Variants in MMS22L observed in about 807,000 individuals in gnomAD.
MMS22L encodes protein MMS22-like.
MMS22L carries 74 observed loss-of-function variants against 159.1 expected under a neutral mutation model. The observed-to-expected ratio is 0.47, with a 90% CI of 0.39 to 0.56. The LOEUF (loss-of-function observed/expected upper bound fraction) is 0.56. Among genes scored for constraint, MMS22L ranks in the 20% least tolerant of loss-of-function variants. The pLI is 0.00. For synonymous variants in MMS22L, 517 were observed against 506.9 expected (o/e 1.02, Z -0.27); for missense variants, 1,351 against 1,422.1 (o/e 0.95, Z 0.80).
In MMS22L at chr6:97,173,154, C is replaced by T. The variant is rs1019769758; in HGVS notation, c.2748G>A (p.Leu916=). The change falls in exon 19 of 25, where the codon TTG becomes TTA. Residue 916 remains leucine (L), a synonymous_variant. Coordinates refer to ENST00000683635, the MANE Select transcript of MMS22L (RefSeq NM_001350599.2). ...SDKSAMVTKS[L]EYLGEVLKYI... is the part of the protein sequence containing the mutation. ...ATTTTAATACTTCACCAAGGTATTC[C>T]AAGGACTTTGTGACCATGGCAGATT... 6 of 1,613,500 alleles carry T rather than the reference C, an allele frequency of 3.7e-6. No homozygotes were observed. In the African/African-American group the frequency reaches 8.0e-5, roughly 22 times the overall value.
At chr6:97,270,137 T>C in intron 6 of MMS22L, 145 bp from the exon 7 acceptor site, 1 of 662,012 alleles carries the variant, frequency 1.5e-6, no homozygotes, top group Non-Finnish European at 2.7e-6. Flanking sequence ...AAAACCTCTG[T>C]CTTGTTCATT....
intron 11 of MMS22L, 121 bp from the exon 12 acceptor site, chr6:97,234,101 C>T (rs1335378564): frequency 2.8e-6 from 3 of 1,078,528 alleles, no homozygotes; most frequent in East Asian, 5.2e-5. Context: ...GTCACCCAAT[C>T]ATACCCATTC....
intron 11 of MMS22L, among the ~76,000 whole-genome samples, chr6:97,240,014 A>G (rs919312023): frequency 6.6e-6 from 1 of 152,208 alleles, no homozygotes; most frequent in Non-Finnish European, 1.5e-5. Context: ...AATACAGCAA[A>G]TGGACTCTTT....
intron 21 of MMS22L, among the ~76,000 whole-genome samples, chr6:97,164,194 G>T (rs1406690459): frequency 6.6e-6 from 1 of 151,764 alleles, no homozygotes; most frequent in Non-Finnish European, 1.5e-5. Context: ...GCAAGGAAAG[G>T]AAGCAAAGAA....
At chr6:97,270,150 A>G (rs762214445) in intron 6 of MMS22L, 158 bp from the exon 7 acceptor site, 6 of 657,210 alleles carry the variant, frequency 9.1e-6, no homozygotes, top group African/African-American at 3.7e-5. Flanking sequence ...TGTTCATTAG[A>G]GGATTCTTTC....
At chr6:97,225,601 C>T (rs1465608092) in intron 14 of MMS22L, among the ~76,000 whole-genome samples, 1 of 148,950 alleles carries the variant, frequency 6.7e-6, no homozygotes, top group Non-Finnish European at 1.5e-5. Context: ...GAGACCCAGT[C>T]TCGCTCTGTC....
At chr6:97,281,828 T>TA (rs1160210650) in intron 2 of MMS22L, among the ~76,000 whole-genome samples, 3 of 152,204 alleles carry the variant, frequency 2.0e-5, no homozygotes, top group African/African-American at 7.2e-5. Flanking sequence ...CAGCAGGTAT[T>TA]ACCAAAATAT....
At chr6:97,226,068 A>G (rs968628960) in intron 14 of MMS22L, among the ~76,000 whole-genome samples, 18 of 152,336 alleles carry the variant, frequency 1.2e-4, no homozygotes, top group African/African-American at 4.3e-4. Context: ...CTATAGGTAT[A>G]CTTCCACAAG....
chr6:97,228,866 TA>T, intron 14 of MMS22L, 27 bp downstream of exon 14: 1 of 1,560,674 alleles, frequency 6.4e-7, no homozygotes, highest in Non-Finnish European at 8.6e-7. Context: ...AAACAAATCA[TA>T]AATTAGCATA....
chr6:97,228,489 G>T (rs1475939859), intron 14 of MMS22L, among the ~76,000 whole-genome samples: 3 of 152,120 alleles, frequency 2.0e-5, no homozygotes, highest in Non-Finnish European at 4.4e-5. Flanking sequence ...TCATGGGATG[G>T]GTTGCAGTCA....
intron 14 of MMS22L, among the ~76,000 whole-genome samples, chr6:97,221,286 A>G (rs1488760205): frequency 1.3e-5 from 2 of 152,218 alleles, no homozygotes; most frequent in East Asian, 3.9e-4. Flanking sequence ...TATTTAAGGA[A>G]AACTCGTATC....
rs150620535 is a variant in MMS22L at position 97,238,174 on chromosome 6, T to C, written c.1183-4194A>G. 2.6e-5 allele frequency among the ~76,000 whole-genome samples: 4 copies of C among 152,302 alleles called. No individual in the cohort carries two copies. The East Asian group carries it at 5.8e-4, about 22-fold the overall frequency. ...TAAAAGTATAAAACGGAAACAGAAA[T>C]ATCACTACACACGACTGTCGTAAGT... On this transcript the variant is annotated intron_variant, in intron 11 of 24. Transcript: ENST00000683635.
intron 22 of MMS22L, among the ~76,000 whole-genome samples, chr6:97,161,537 G>A (rs1422377974): frequency 6.6e-6 from 1 of 151,962 alleles, no homozygotes; most frequent in Non-Finnish European, 1.5e-5. Context: ...ATCACTGGAA[G>A]TAAGGCTGAT....
chr6:97,146,703 T>C lies in MMS22L; in HGVS notation c.*103A>G. The C allele has an allele frequency of 1.3e-6, 1 of 756,006 alleles. No individual in the cohort carries two copies. The highest frequency in any genetic ancestry group is 2.0e-6 in the Non-Finnish European group (1 of 499,682). 46.8% of individuals were successfully genotyped at this position (756,006 alleles called of 1,614,324 possible). On this transcript the variant is annotated 3_prime_UTR_variant, in exon 25 of 25. Coordinates refer to ENST00000683635, the MANE Select transcript of MMS22L (RefSeq NM_001350599.2). The stretch of plus-strand genomic sequence containing the variant: ...AAAGGAAAAAAAATCCTAGAAATTA[T>C]TTTAAACAGAACATTATACAATTAA...
chr6:97,180,615 C>T (rs1027364745), intron 16 of MMS22L, among the ~76,000 whole-genome samples: 1 of 152,116 alleles, frequency 6.6e-6, no homozygotes, highest in Non-Finnish European at 1.5e-5. Flanking sequence ...TTATAACTTT[C>T]CCAAAGCTAT....
intron 11 of MMS22L, among the ~76,000 whole-genome samples, chr6:97,240,803 T>C (rs949719252): frequency 7.2e-5 from 11 of 152,272 alleles, no homozygotes; most frequent in Non-Finnish European, 7.3e-5. Flanking sequence ...ACTTTTGTAT[T>C]TTTAGTAGAG....
chr6:97,203,206 C>CA (rs1357289269), intron 14 of MMS22L, among the ~76,000 whole-genome samples: 1 of 151,790 alleles, frequency 6.6e-6, no homozygotes, highest in East Asian at 1.9e-4. Flanking sequence ...ACTAAAAAGG[C>CA]AAAAAAAGGA....
At position 97,228,917 on chromosome 6, in the gene MMS22L, T is replaced by C; in HGVS notation, c.2016A>G (p.Leu672=). The C allele has an allele frequency of 1.2e-6, 2 of 1,613,658 alleles. No individual in the cohort carries two copies. The highest frequency in any genetic ancestry group is 1.7e-6 in the Non-Finnish European group (2 of 1,179,722). ...ESELRTVLSF[L]QAVLARIRSM... The stretch of plus-strand genomic sequence containing the variant: ...ACCTGATTCTGGCCAGAACAGCTTG[T>C]AGGAAGCTCAATACTGTCCTAAGTT... The change falls in exon 14 of 25, where the codon CTA becomes CTG. Residue 672 remains leucine (L), a synonymous_variant. Transcript: ENST00000683635.
At chr6:97,254,280 A>G in intron 10 of MMS22L, 1 of 234,138 alleles carries the variant, frequency 4.3e-6, no homozygotes, top group Non-Finnish European at 8.2e-6. Context: ...AGACAAAGCT[A>G]GAAAGGTTTA....
Sources: allele counts gnomAD v4.1 joint callset (sites outside exome capture counted in the v4.1 genomes callset), GRCh38; gene constraint gnomAD v4.1.1; transcripts MANE v1.5; gene names NCBI Gene and HGNC (gene_info 2026-07-23, HGNC 2026-07-21).